Variants in ZNF81 observed in about 807,000 individuals in gnomAD.
ZNF81 encodes zinc finger protein 81.
ZNF81 carries 5 observed loss-of-function variants against 32.3 expected under a neutral mutation model. The observed-to-expected ratio is 0.15, with a 90% CI of 0.08 to 0.33. The LOEUF is 0.33. ZNF81 is among the 10% of genes least tolerant of loss of function. The probability of loss-of-function intolerance (pLI) is 1.00; values close to 1 mark genes in which losing one functional copy is unlikely to be tolerated. For missense variants in ZNF81, 379 were observed against 479.8 expected, an observed-to-expected ratio of 0.79 and a Z score of 1.96; for synonymous variants, 163 against 166.8, an observed-to-expected ratio of 0.98 and a Z score of 0.17.
intron 4 of ZNF81, among the ~76,000 whole-genome samples, chrX:47,902,940 C>T (rs782257007): frequency 8.9e-6 from 1 of 112,147 alleles, no homozygotes; most frequent in East Asian, 2.8e-4. Flanking sequence ...AGCATATAAA[C>T]AGAACCAAAG....
rs180740036 is a variant in ZNF81, at chrX:47,854,824, G to A, written c.54+8503G>A. Among the ~76,000 whole-genome samples, 757 of 111,937 alleles carry A rather than the reference G, an allele frequency of 6.8e-3. 23 individuals are homozygous for A. Among genetic ancestry groups the A allele is most frequent in the Admixed American group, 0.052 (546 of 10,505 alleles). On this transcript the variant is annotated intron_variant, in intron 2 of 4. Transcript: ENST00000338637. ...ACAGATATAATAATAGGCCGGGCGC[G>A]GCGGCTCACGCCTGTAATCTCAGCA... is the stretch of plus-strand genomic sequence containing the variant.
At chrX:47,875,728 C>T (rs868991445) in intron 2 of ZNF81, among the ~76,000 whole-genome samples, 12 of 112,209 alleles carry the variant, frequency 1.1e-4, no homozygotes, top group Middle Eastern at 4.7e-3. Flanking sequence ...CACAGGAAAT[C>T]CTGACTACAA....
intron 2 of ZNF81, among the ~76,000 whole-genome samples, chrX:47,865,953 G>T (rs1020734744): frequency 1.1e-4 from 12 of 112,057 alleles, no homozygotes; most frequent in Middle Eastern, 4.6e-3. Flanking sequence ...CAACCAAGAA[G>T]ACTGATCTCT....
chrX:47,905,650 A>T (rs782349632), intron 4 of ZNF81, among the ~76,000 whole-genome samples: 56 of 110,828 alleles, frequency 5.1e-4, no homozygotes, highest in African/African-American at 1.7e-3. Context: ...AAGTTTAAAA[A>T]TTTTTTAATC....
intron 2 of ZNF81, among the ~76,000 whole-genome samples, chrX:47,859,220 T>G (rs2148012660): frequency 8.9e-6 from 1 of 111,964 alleles, no homozygotes; most frequent in African/African-American, 3.2e-5. Flanking sequence ...TATAACACTA[T>G]TAACTGTCCA....
intron 2 of ZNF81, among the ~76,000 whole-genome samples, chrX:47,886,778 C>T (rs2058643538): frequency 9.1e-6 from 1 of 110,371 alleles, no homozygotes; most frequent in South Asian, 3.9e-4. Flanking sequence ...AGTTACCCCA[C>T]GTGGCACTGA....
intron 4 of ZNF81, among the ~76,000 whole-genome samples, chrX:47,908,422 C>A (rs2058728157): frequency 8.9e-6 from 1 of 111,771 alleles, no homozygotes; most frequent in African/African-American, 3.2e-5. Flanking sequence ...AACTGGAATT[C>A]ACATTCATTG....
At chrX:47,875,189 C>A (rs2058595270) in intron 2 of ZNF81, among the ~76,000 whole-genome samples, 1 of 111,952 alleles carries the variant, frequency 8.9e-6, no homozygotes, top group African/African-American at 3.3e-5. Flanking sequence ...AGAGAAAGTA[C>A]CTTTCATTCT....
chrX:47,842,874 C>A (rs2058455618), intron 1 of ZNF81: 1 of 112,130 alleles, frequency 8.9e-6, no homozygotes, highest in Non-Finnish European at 1.9e-5. Flanking sequence ...GATCTGCCAG[C>A]CTTGGCTTCC....
intron 1 of ZNF81, among the ~76,000 whole-genome samples, chrX:47,838,728 C>T (rs2058435126): frequency 9.0e-6 from 1 of 111,365 alleles, no homozygotes; most frequent in East Asian, 2.8e-4. Flanking sequence ...AGGATTTTTG[C>T]ATCTAAGTTC....
intron 2 of ZNF81, among the ~76,000 whole-genome samples, chrX:47,860,350 TA>T (rs1556882411): frequency 1.8e-5 from 2 of 108,325 alleles, no homozygotes; most frequent in Non-Finnish European, 3.8e-5. Flanking sequence ...TAATTTTTCA[TA>T]TTTTTTTTTT....
At chrX:47,837,824 G>A (rs1201288939) in intron 1 of ZNF81, among the ~76,000 whole-genome samples, 1 of 111,546 alleles carries the variant, frequency 9.0e-6, no homozygotes, top group East Asian at 2.8e-4. Flanking sequence ...TGGTTCCCTT[G>A]CCTTTCCTAT....
In ZNF81 at chrX:47,916,432, C is replaced by T; in HGVS notation, c.1786C>T (p.His596Tyr). ...DCEKSFSKKP[H>Y]LKVHQRIHTG... ...TGAGAAATCCTTCTCCAAGAAACCA[C>T]ATCTCAAAGTACATCAACGAATTCA... Residue 596 changes from histidine to tyrosine, a missense_variant, in exon 5 of 5, where the codon CAT (histidine) becomes TAT (tyrosine). His to Tyr is a moderately conservative substitution (Grantham distance 83). Transcript: ENST00000338637. The T allele has an allele frequency of 8.3e-7, 1 of 1,211,221 alleles. No homozygotes were observed.
Position 47,917,538 on chromosome X carries a change from T to G in ZNF81, c.*906T>G. 1 of 259,571 alleles carries G rather than the reference T, an allele frequency of 3.9e-6. No homozygotes were observed. Among genetic ancestry groups the G allele is most frequent in the Non-Finnish European group, 6.9e-6 (1 of 145,795 alleles). 21.4% of individuals were successfully genotyped at this position (259,571 alleles called of 1,213,427 possible). On this transcript the variant is annotated 3_prime_UTR_variant, in exon 5 of 5. Transcript: ENST00000338637. ...AAGCTTACCCTCTCTTGCTGCTCTT[T>G]GCAAACCTGAAGAATCTCAAATTGC...
rs1556886072 is a variant in ZNF81, at chrX:47,888,134, A to G, written c.181+9A>G. On this transcript the variant is annotated intron_variant, in intron 3 of 4. Transcript: ENST00000338637. ...CCACCTGCTCTCAGTGGGTAAGGAC[A>G]ACCATCCTGTGAAGTTGTGAGGAGC... The G allele has an allele frequency of 8.3e-7, 1 of 1,206,820 alleles. No individual in the cohort carries two copies.
At chrX:47,871,582 A>G (rs1231218713) in intron 2 of ZNF81, among the ~76,000 whole-genome samples, 4 of 111,878 alleles carry the variant, frequency 3.6e-5, no homozygotes, top group Non-Finnish European at 7.5e-5. Context: ...TACACTCATG[A>G]TCATCTATTT....
chrX:47,861,952 A>G (rs1262983107), intron 2 of ZNF81, among the ~76,000 whole-genome samples: 1 of 112,072 alleles, frequency 8.9e-6, no homozygotes, highest in Non-Finnish European at 1.9e-5. Context: ...GGCTAAAATC[A>G]GGGACAGATT....
Position 47,916,509 on chromosome X carries a change from T to C in ZNF81, c.1863T>C (p.Asp621=), listed in dbSNP as rs782295595. The C allele has an allele frequency of 3.3e-6, 4 of 1,209,847 alleles. No homozygotes were observed. ...ICAECGKAFT[D]RSNFNKHQTI... ...CAGAATGTGGGAAAGCCTTCACTGA[T>C]AGGTCAAATTTCAATAAACATCAGA... Residue 621 remains aspartate, a synonymous_variant, in exon 5 of 5, where the codon GAT becomes GAC. Transcript: ENST00000338637.
chrX:47,869,596 T>G (rs1264364386), intron 2 of ZNF81, among the ~76,000 whole-genome samples: 1 of 112,570 alleles, frequency 8.9e-6, no homozygotes, highest in Non-Finnish European at 1.9e-5. Context: ...TAAGTTACTT[T>G]GGAAAACTTA....
Sources: allele counts gnomAD v4.1 joint callset (sites outside exome capture counted in the v4.1 genomes callset), GRCh38; gene constraint gnomAD v4.1.1; transcripts MANE v1.5; gene names NCBI Gene and HGNC (gene_info 2026-07-23, HGNC 2026-07-21).